The following TMEM74 variants were observed in gnomAD, a reference collection of about 807,000 sequenced individuals.
The protein encoded by TMEM74 is transmembrane protein 74.
A neutral mutation model predicts 18.1 loss-of-function variants in TMEM74; 13 were observed. That is an observed-to-expected ratio of 0.72 (90% CI 0.47 to 1.14). TMEM74 has a LOEUF of 1.14. TMEM74 is among the 50% of genes most tolerant of loss of function. The pLI, the probability that TMEM74 is intolerant of heterozygous loss-of-function variation, is 0.00. For synonymous variants in TMEM74, 159 were observed against 146.6 expected, an observed-to-expected ratio of 1.08 and a Z score of -0.61; for missense variants, 372 against 375.9, an observed-to-expected ratio of 0.99 and a Z score of 0.09.
At chr8:108,692,744 C>T (rs144566521) in intron 1 of TMEM74, among the ~76,000 whole-genome samples, 1 of 152,266 alleles carries the variant, frequency 6.6e-6, no homozygotes, top group African/African-American at 2.4e-5. Flanking sequence ...TAAATGCATG[C>T]TTGATCTTTT....
In TMEM74 at chr8:108,657,860, ATATATATATATATATATATAT is replaced by A. The variant is rs1164397560; in HGVS notation, n.120-2444_120-2424del. Among the ~76,000 whole-genome samples the A allele has an allele frequency of 2.6e-4, 12 of 45,640 alleles. 2 individuals carry two copies. Among genetic ancestry groups the A allele is most frequent in the Admixed American group, 2.0e-3 (6 of 2,946 alleles). 29.9% of individuals were successfully genotyped at this position (45,640 alleles called of 152,430 possible). On this transcript the variant is annotated intron_variant and non_coding_transcript_variant, in intron 1 of 3. Transcript: ENST00000518838. ...ACCGTCTCAAAAAAAAAAAAAAAAA[ATATATATATATATATATATAT>A]ATATATATATATATATATATATTAA...
chr8:108,644,886 C>A (rs1812701968), intron 2 of TMEM74, among the ~76,000 whole-genome samples: 1 of 152,062 alleles, frequency 6.6e-6, no homozygotes, highest in African/African-American at 2.4e-5. Context: ...AAAGGGCATG[C>A]TTACATATTA....
chr8:108,777,790 A>T (rs1814250040), downstream of TMEM74, among the ~76,000 whole-genome samples: 1 of 152,228 alleles, frequency 6.6e-6, no homozygotes, highest in East Asian at 1.9e-4. Context: ...TGCAGATAAC[A>T]CTTGCCTTGC....
At chr8:108,726,756 C>T (rs1280080535) in intron 1 of TMEM74, among the ~76,000 whole-genome samples, 3 of 151,814 alleles carry the variant, frequency 2.0e-5, no homozygotes, top group Admixed American at 1.3e-4. Flanking sequence ...AATAGACAAA[C>T]GACCATGTCC....
chr8:108,648,663 A>G (rs190902978), intron 2 of TMEM74, among the ~76,000 whole-genome samples: 13 of 152,242 alleles, frequency 8.5e-5, no homozygotes, highest in African/African-American at 3.1e-4. Context: ...TGAAAATAGT[A>G]TATGGCTGGC....
chr8:108,784,857 A>G lies in TMEM74; in HGVS notation c.242T>C (p.Phe81Ser). ...CCCTGAGTGGAGAAGTCCTGGTGGA[A>G]AGGCATCTGGCTGAAGAGTACTGTT... ...LQNSTLQPDA[F>S]PPGLLHSGNN... The change falls in exon 2 of 2, where the codon TTT (phenylalanine) becomes TCT (serine). Residue 81 changes from phenylalanine to serine, a missense_variant. Physicochemically the swap from Phe to Ser is radical, Grantham distance 155. Transcript: ENST00000297459. The G allele has an allele frequency of 6.2e-7, 1 of 1,614,170 alleles. No homozygotes were observed. The highest frequency in any genetic ancestry group is 8.5e-7 in the Non-Finnish European group (1 of 1,180,036).
chr8:108,683,644 G>A (rs770323390), intron 1 of TMEM74, among the ~76,000 whole-genome samples: 9 of 151,920 alleles, frequency 5.9e-5, no homozygotes, highest in South Asian at 2.1e-4. Flanking sequence ...GTGATATTTC[G>A]ATACATGTAA....
chr8:108,676,095 T>C (rs1164196003), intron 1 of TMEM74, among the ~76,000 whole-genome samples: 1 of 152,084 alleles, frequency 6.6e-6, no homozygotes, highest in Non-Finnish European at 1.5e-5. Context: ...AGGAGGATAT[T>C]CAAGGGGAGT....
chr8:108,677,763 A>T (rs931274244), intron 1 of TMEM74, among the ~76,000 whole-genome samples: 3 of 152,078 alleles, frequency 2.0e-5, no homozygotes, highest in African/African-American at 7.2e-5. Context: ...TCAGCATATT[A>T]CTTTTACTTG....
At chr8:108,731,814 A>T (rs1024491936) in intron 1 of TMEM74, among the ~76,000 whole-genome samples, 2 of 152,130 alleles carry the variant, frequency 1.3e-5, no homozygotes, top group African/African-American at 4.8e-5. Flanking sequence ...TTTAAGTTTA[A>T]TCATTATTTC....
At chr8:108,774,769 T>C (rs2129650289), downstream of TMEM74, among the ~76,000 whole-genome samples, 1 of 150,644 alleles carries the variant, frequency 6.6e-6, no homozygotes, top group East Asian at 1.9e-4. Context: ...TTTTTTTTTT[T>C]TTTTTTTTCT....
intron 1 of TMEM74, among the ~76,000 whole-genome samples, chr8:108,657,778 G>T (rs550207880): frequency 9.0e-5 from 13 of 144,132 alleles, no homozygotes; most frequent in Non-Finnish European, 1.8e-4. Flanking sequence ...GGGAGGTGGA[G>T]GTTGCAGTGA....
At chr8:108,760,129 C>A (rs549004941) in intron 1 of TMEM74, among the ~76,000 whole-genome samples, 20 of 149,824 alleles carry the variant, frequency 1.3e-4, no homozygotes, top group African/African-American at 5.0e-4. Context: ...GGCAGGATTG[C>A]GCCACTGTTC....
At chr8:108,766,819 C>T (rs531636207) in intron 1 of TMEM74, among the ~76,000 whole-genome samples, 1 of 152,242 alleles carries the variant, frequency 6.6e-6, no homozygotes, top group East Asian at 1.9e-4. Context: ...GCCAAAGGCC[C>T]AAAAGCCCCG....
intron 2 of TMEM74, among the ~76,000 whole-genome samples, chr8:108,654,757 G>GT (rs36003094): frequency 0.021 from 3,085 of 147,550 alleles, 110 homozygotes; most frequent in African/African-American, 0.071. Context: ...TTTACCAAGT[G>GT]TTTTTTTTTT....
At chr8:108,696,902 C>T (rs544941598) in intron 1 of TMEM74, among the ~76,000 whole-genome samples, 1 of 152,248 alleles carries the variant, frequency 6.6e-6, no homozygotes, top group South Asian at 2.1e-4. Context: ...AGATAGGGAC[C>T]TCTACAATGG....
At chr8:108,764,672 C>T (rs1351593304) in intron 1 of TMEM74, among the ~76,000 whole-genome samples, 1 of 152,080 alleles carries the variant, frequency 6.6e-6, no homozygotes, top group Non-Finnish European at 1.5e-5. Flanking sequence ...GCATTAGGCT[C>T]AGCTGGCGGA....
intron 1 of TMEM74, among the ~76,000 whole-genome samples, chr8:108,766,155 G>A (rs1814104623): frequency 6.6e-6 from 1 of 152,014 alleles, no homozygotes; most frequent in African/African-American, 2.4e-5. Context: ...GCAGCAATGA[G>A]GGATAACTTT....
chr8:108,640,825 A>G (rs1392675694), intron 2 of TMEM74, among the ~76,000 whole-genome samples: 1 of 152,158 alleles, frequency 6.6e-6, no homozygotes, highest in African/African-American at 2.4e-5. Flanking sequence ...TTATGTAAAC[A>G]GTGAGATTAA....
Sources: allele counts gnomAD v4.1 joint callset (sites outside exome capture counted in the v4.1 genomes callset), GRCh38; gene constraint gnomAD v4.1.1; transcripts MANE v1.5; gene names NCBI Gene and HGNC (gene_info 2026-07-23, HGNC 2026-07-21).